Variants in RNF125 observed in about 807,000 individuals in gnomAD.
The protein encoded by RNF125 is E3 ubiquitin-protein ligase RNF125.
A neutral mutation model predicts 26.0 loss-of-function variants in RNF125; 21 were observed. That is an observed-to-expected ratio of 0.81 (90% CI 0.57 to 1.16). The LOEUF (loss-of-function observed/expected upper bound fraction) is 1.16. Ranked by LOEUF, RNF125 falls within the 50% of genes most tolerant of loss-of-function variation. RNF125 has a pLI of 0.00. For missense variants in RNF125, 270 were observed against 299.4 expected, an observed-to-expected ratio of 0.90 and a Z score of 0.72; for synonymous variants, 95 against 109.2, an observed-to-expected ratio of 0.87 and a Z score of 0.81.
intron 4 of RNF125, among the ~76,000 whole-genome samples, chr18:32,063,177 G>A (rs1481977970): frequency 7.0e-6 from 1 of 143,444 alleles, no homozygotes; most frequent in Non-Finnish European, 1.5e-5. Flanking sequence ...CCAAGACCAT[G>A]CCATTGCACT....
rs2039290400 is a variant in RNF125, at chr18:32,048,221, G to T, written c.504+2489G>T. ...AAGGTCAGGAGTTCAAGACCAGCCT[G>T]ACCAACATGGTGAAACCCTGTCTCT... On this transcript the variant is annotated intron_variant, in intron 4 of 5. Transcript: ENST00000217740. Among the ~76,000 whole-genome samples the T allele has an allele frequency of 1.4e-5, 2 of 145,988 alleles. 1 individual carries two copies. The highest frequency in any genetic ancestry group is 4.3e-4 in the South Asian group (2 of 4,654).
chr18:32,089,262 C>T, the RNF125 span, among the ~76,000 whole-genome samples: 5 of 152,262 alleles, frequency 3.3e-5, no homozygotes, highest in African/African-American at 1.2e-4. Flanking sequence ...AAAGAAAATC[C>T]GGCAAAAATG....
At chr18:32,077,440 C>A (rs1313039261), downstream of RNF125, among the ~76,000 whole-genome samples, 1 of 146,518 alleles carries the variant, frequency 6.8e-6, no homozygotes, top group Non-Finnish European at 1.5e-5. Flanking sequence ...CAGCTCAATG[C>A]AACCTCTGCC....
At chr18:32,059,221 A>G (rs1261854564) in intron 4 of RNF125, among the ~76,000 whole-genome samples, 1 of 152,198 alleles carries the variant, frequency 6.6e-6, no homozygotes, top group Non-Finnish European at 1.5e-5. Flanking sequence ...TAGTTGTACT[A>G]ATTTACATTC....
At chr18:32,056,414 C>T (rs2039383366) in intron 4 of RNF125, among the ~76,000 whole-genome samples, 1 of 151,912 alleles carries the variant, frequency 6.6e-6, no homozygotes, top group Admixed American at 6.6e-5. Flanking sequence ...GAGTTCGAGA[C>T]CAGCCTGACC....
chr18:32,047,566 G>C (rs929233457), intron 4 of RNF125, among the ~76,000 whole-genome samples: 1 of 152,104 alleles, frequency 6.6e-6, no homozygotes, highest in African/African-American at 2.4e-5. Context: ...ACCTTAATCT[G>C]ACCATAATTG....
At chr18:32,078,342 CA>C in the RNF125 span, among the ~76,000 whole-genome samples, 1 of 151,660 alleles carries the variant, frequency 6.6e-6, no homozygotes, top group East Asian at 1.9e-4. Context: ...TTCATAATGA[CA>C]AAAAAAGGAG....
At chr18:32,081,984 C>T in the RNF125 span, among the ~76,000 whole-genome samples, 5 of 152,282 alleles carry the variant, frequency 3.3e-5, no homozygotes, top group Admixed American at 1.3e-4. Flanking sequence ...TTCTTTGATT[C>T]ACTTCCTTTT....
chr18:32,065,392 T>G (rs1298987092), intron 4 of RNF125, among the ~76,000 whole-genome samples: 1 of 151,644 alleles, frequency 6.6e-6, no homozygotes, highest in Non-Finnish European at 1.5e-5. Flanking sequence ...CATCTGCCAC[T>G]GCGCCCAGCT....
At chr18:32,058,728 C>A (rs1186929683) in intron 4 of RNF125, among the ~76,000 whole-genome samples, 1 of 152,162 alleles carries the variant, frequency 6.6e-6, no homozygotes, top group African/African-American at 2.4e-5. Context: ...TACATTCTAT[C>A]TAACTATATT....
intron 1 of RNF125, among the ~76,000 whole-genome samples, chr18:32,025,605 C>A (rs865921409): frequency 7.3e-6 from 1 of 136,332 alleles, no homozygotes; most frequent in East Asian, 2.2e-4. Context: ...GTGGAGGTTG[C>A]AATAGCCGAG....
At chr18:32,020,016 G>C (rs144010714) in intron 1 of RNF125, among the ~76,000 whole-genome samples, 1 of 32,376 alleles carries the variant, frequency 3.1e-5, no homozygotes. Flanking sequence ...GTGTGTGTGT[G>C]TGTGTGTGTG....
At position 32,037,315 on chromosome 18, in the gene RNF125, C is replaced by T. The variant is rs773892942; in HGVS notation, c.318+46C>T. 3.9e-6 allele frequency: 5 copies of T among 1,294,474 alleles called. No individual in the cohort carries two copies. The South Asian group carries it at 6.7e-5, about 17-fold the overall frequency. 80.2% of individuals were successfully genotyped at this position (1,294,474 alleles called of 1,614,324 possible). A position where few individuals can be genotyped will look rare whatever the true frequency, so the allele number is the denominator to read the frequency against. On this transcript the variant is annotated intron_variant, in intron 2 of 5. Coordinates refer to ENST00000217740, the MANE Select transcript of RNF125 (RefSeq NM_017831.4). ...ATTTTCATGGTTACCAGCTTAAGTC[C>T]CTGCGAAAGTTATCATTTCACCTCT... is the stretch of plus-strand genomic sequence containing the variant.
At chr18:32,047,212 A>G (rs2039280876) in intron 4 of RNF125, among the ~76,000 whole-genome samples, 2 of 151,990 alleles carry the variant, frequency 1.3e-5, no homozygotes, top group South Asian at 4.2e-4. Flanking sequence ...AATTTTTTGT[A>G]TTTTTTTGAT....
chr18:32,047,123 G>A (rs1755641896), intron 4 of RNF125, among the ~76,000 whole-genome samples: 2 of 151,962 alleles, frequency 1.3e-5, no homozygotes. Context: ...TGCAACCTCC[G>A]CCTCCCAGGT....
chr18:32,084,224 G>A, the RNF125 span, among the ~76,000 whole-genome samples: 2 of 152,082 alleles, frequency 1.3e-5, no homozygotes, highest in South Asian at 2.1e-4. Context: ...GCTTGGTGGC[G>A]CATGCCTGTA....
intron 4 of RNF125, among the ~76,000 whole-genome samples, chr18:32,060,351 G>A (rs916380572): frequency 6.6e-6 from 1 of 152,184 alleles, no homozygotes; most frequent in Non-Finnish European, 1.5e-5. Context: ...CGGGTGGGTT[G>A]GTGGGAGCAT....
chr18:32,037,511 T>C (rs1011251027), intron 2 of RNF125, among the ~76,000 whole-genome samples: 5 of 151,964 alleles, frequency 3.3e-5, no homozygotes, highest in African/African-American at 1.2e-4. Flanking sequence ...TAGCTGGGTC[T>C]ACAGGCACCT....
At chr18:32,046,321 G>A (rs1460717482) in intron 4 of RNF125, among the ~76,000 whole-genome samples, 1 of 151,972 alleles carries the variant, frequency 6.6e-6, no homozygotes, top group Non-Finnish European at 1.5e-5. Flanking sequence ...ATAAGGCTGG[G>A]CGTGGTGGCT....
Sources: gnomAD v4.1 joint callset for allele counts (sites outside exome capture counted in the v4.1 genomes callset) on GRCh38, gnomAD v4.1.1 for gene constraint, MANE v1.5 for transcripts, NCBI Gene and HGNC (gene_info 2026-07-23, HGNC 2026-07-21) for gene names.